Variants in GIT2 observed in about 807,000 individuals in gnomAD.
GIT2 encodes ARF GTPase-activating protein GIT2.
Under a neutral mutation model 100.3 loss-of-function variants are expected in GIT2, and 32 were observed. The observed-to-expected ratio is 0.32, with a 90% CI of 0.24 to 0.43. GIT2 has a LOEUF of 0.43. Among genes scored for constraint, GIT2 ranks in the 20% least tolerant of loss-of-function variants. The pLI, the probability that GIT2 is intolerant of heterozygous loss-of-function variation, is 1.00. For synonymous variants in GIT2, 353 were observed against 364.1 expected, an observed-to-expected ratio of 0.97 and a Z score of 0.35; for missense variants, 737 against 975.1, an observed-to-expected ratio of 0.76 and a Z score of 3.25.
At chr12:109,999,683 C>T, upstream of GIT2, 2 of 1,531,780 alleles carry the variant, frequency 1.3e-6, no homozygotes, top group Non-Finnish European at 1.8e-6. This position sits in a 1 kb window ranked among gnomAD's most constrained non-coding sequence, Gnocchi z 4.3. Context: ...TTACGGCCTC[C>T]TCGCCATGTC....
At chr12:109,977,938 C>A (rs925689819) in intron 7 of GIT2, among the ~76,000 whole-genome samples, 1 of 152,142 alleles carries the variant, frequency 6.6e-6, no homozygotes, top group Non-Finnish European at 1.5e-5. Flanking sequence ...TTCCTGGCTG[C>A]TTTCAAGATG....
chr12:109,983,823 T>C (rs758600839), intron 4 of GIT2, 129 bp from the exon 5 acceptor site: 1 of 634,622 alleles, frequency 1.6e-6, no homozygotes, highest in African/African-American at 1.8e-5. Flanking sequence ...CTCGGTAAAG[T>C]GCATGGACCA....
intron 1 of GIT2, among the ~76,000 whole-genome samples, chr12:109,995,618 C>G (rs1280399913): frequency 6.6e-6 from 1 of 152,188 alleles, no homozygotes; most frequent in Non-Finnish European, 1.5e-5. Flanking sequence ...GAGACAAGCA[C>G]TGCCTCCTAA....
intron 8 of GIT2, chr12:109,967,170 C>T: frequency 1.7e-6 from 1 of 599,474 alleles, no homozygotes; most frequent in East Asian, 2.8e-5. Flanking sequence ...TCCTATAATA[C>T]AGAAGTATTC....
rs1282329179 is a variant in GIT2 at position 109,953,149 on chromosome 12, C to T, written c.1185G>A (p.Val395=). 1.2e-6 allele frequency: 2 copies of T among 1,614,028 alleles called. No homozygotes were observed. The highest frequency in any genetic ancestry group is 1.7e-6 in the Non-Finnish European group (2 of 1,180,006). Residue 395 remains valine (V), a synonymous_variant, in exon 13 of 20, where the codon GTG becomes GTA. Coordinates refer to ENST00000355312, the MANE Select transcript of GIT2 (RefSeq NM_057169.5). The part of the protein sequence containing the change: ...QDNDQPDYDS[V]ASDEDTDLET... ...CCAAATCTGTGTCTTCGTCTGATGC[C>T]ACGCTGTCATAGTCGGGCTGATCGT...
At chr12:109,984,772 TTA>T (rs763793523) in intron 4 of GIT2, among the ~76,000 whole-genome samples, 10 of 152,096 alleles carry the variant, frequency 6.6e-5, no homozygotes, top group Non-Finnish European at 1.5e-4. Context: ...TTATAAGGAT[TTA>T]GTGATATAAT....
chr12:109,932,829 C>A lies in GIT2; in HGVS notation c.*149G>T. 1.7e-6 allele frequency: 1 copy of A among 601,738 alleles called. No homozygotes were observed. Among genetic ancestry groups the A allele is most frequent in the South Asian group, 2.1e-5 (1 of 48,140 alleles). 37.3% of individuals were successfully genotyped at this position (601,738 alleles called of 1,614,324 possible). On this transcript the variant is annotated 3_prime_UTR_variant, in exon 20 of 20. Transcript: ENST00000355312. ...AAATAGTTGAAAATTGGTTAGAAAA[C>A]ATGCAAAAATAATACTGAGTTTTCT...
At chr12:109,940,627 C>T (rs1439681590) in intron 16 of GIT2, 2 of 152,126 alleles carry the variant, frequency 1.3e-5, no homozygotes, top group East Asian at 3.8e-4. Flanking sequence ...CACCCATAAT[C>T]CCAGCATGTT....
chr12:109,983,506 A>T lies in GIT2; in HGVS notation c.493-3T>A. 6.2e-7 allele frequency: 1 copy of T among 1,613,154 alleles called. No homozygotes were observed. The highest frequency in any genetic ancestry group is 8.5e-7 in the Non-Finnish European group (1 of 1,179,338). On this transcript the variant is annotated splice_polypyrimidine_tract_variant and splice_region_variant and intron_variant, in intron 5 of 19. Transcript: ENST00000355312. ...TGGAGTGGGGTGTTTCCTTTTTCCT[A>T]AGAATCATTAATAAAAAGTAGGCAA...
chr12:109,991,992 A>G (rs990660784), intron 1 of GIT2: 9 of 441,622 alleles, frequency 2.0e-5, no homozygotes, highest in African/African-American at 1.4e-4. Context: ...GTAAACAGTT[A>G]TCTTCTTTCT....
chr12:109,974,516 G>GAACTGACATT (rs1224480261), intron 7 of GIT2, among the ~76,000 whole-genome samples: 1 of 152,080 alleles, frequency 6.6e-6, no homozygotes, highest in African/African-American at 2.4e-5. Flanking sequence ...ACAGCGCGAG[G>GAACTGACATT]CTCTGTTTCC....
chr12:109,959,855 C>A lies in GIT2; in HGVS notation c.1091G>T (p.Gly364Val). ...GAGGTTTGAGCAGTTACCTTTTGAA[C>A]CCGAGAGAGAACTGCCCTGCTGTCT... is the stretch of plus-strand genomic sequence containing the variant. ...KRRQQGSSLS[G>V]SKDNVELILK... Residue 364 changes from glycine (G) to valine (V), a missense_variant, in exon 12 of 20, where the codon GGT (glycine) becomes GTT (valine). Around this residue, in one of 3 missense-constraint regions of GIT2, gnomAD observed 451 missense variants for 543.7 expected, o/e 0.83. Coordinates refer to ENST00000355312, the MANE Select transcript of GIT2 (RefSeq NM_057169.5). 6.2e-7 allele frequency: 1 copy of A among 1,602,930 alleles called. No homozygotes were observed. The highest frequency in any genetic ancestry group is 8.5e-7 in the Non-Finnish European group (1 of 1,169,960).
intron 4 of GIT2, among the ~76,000 whole-genome samples, chr12:109,984,143 C>T (rs1380126312): frequency 6.6e-6 from 1 of 152,174 alleles, no homozygotes; most frequent in Non-Finnish European, 1.5e-5. Flanking sequence ...GATGCAGTGG[C>T]TCATGCCTGT....
intron 1 of GIT2, among the ~76,000 whole-genome samples, chr12:109,995,283 G>C (rs1889133524): frequency 6.6e-6 from 1 of 152,090 alleles, no homozygotes; most frequent in South Asian, 2.1e-4. Context: ...ATGAAGGAAT[G>C]GCTTTAGCGT....
Position 109,996,316 on chromosome 12 carries a change from G to T in GIT2, c.-92C>A. On this transcript the variant is annotated 5_prime_UTR_variant, in exon 1 of 20. Coordinates refer to ENST00000355312, the MANE Select transcript of GIT2 (RefSeq NM_057169.5). Reference sequence around the variant, plus strand: ...GCTTCCGCTCTAACGGGTCCCAGCTGCGGCGGCGCTGACGGCGGCGCCTCT... The same window carrying T: ...GCTTCCGCTCTAACGGGTCCCAGCTTCGGCGGCGCTGACGGCGGCGCCTCT... The T allele has an allele frequency of 1.1e-6, 1 of 877,630 alleles. No homozygotes were observed. Among genetic ancestry groups the T allele is most frequent in the Non-Finnish European group, 1.7e-6 (1 of 583,622 alleles). The allele number at this position is 877,630 out of a possible 1,614,324, so 54.4% of individuals were successfully genotyped here.
At position 109,996,306 on chromosome 12, in the gene GIT2, G is replaced by A; in HGVS notation, c.-82C>T. 1.0e-6 allele frequency: 1 copy of A among 967,440 alleles called. No individual in the cohort carries two copies. The highest frequency in any genetic ancestry group is 1.5e-6 in the Non-Finnish European group (1 of 654,424). 59.9% of individuals were successfully genotyped at this position (967,440 alleles called of 1,614,324 possible). A position where few individuals can be genotyped will look rare whatever the true frequency, so the allele number is the denominator to read the frequency against. On this transcript the variant is annotated 5_prime_UTR_variant, in exon 1 of 20. Transcript: ENST00000355312. The stretch of plus-strand genomic sequence containing the variant: ...TGGCGGCGGCGCTTCCGCTCTAACG[G>A]GTCCCAGCTGCGGCGGCGCTGACGG...
At chr12:109,999,079 A>G (rs962067644), upstream of GIT2, 3 of 152,292 alleles carry the variant, frequency 2.0e-5, no homozygotes, top group Non-Finnish European at 4.4e-5. The surrounding 1 kb of genome is among the most constrained non-coding windows in gnomAD (Gnocchi z 4.3). Context: ...GTCCTGCTCC[A>G]AAAAGGCTGC....
chr12:109,953,412 A>C, intron 12 of GIT2, 178 bp from the exon 13 acceptor site: 1 of 603,660 alleles, frequency 1.7e-6, no homozygotes, highest in Non-Finnish European at 2.9e-6. Context: ...TGAGGCCAGG[A>C]GTTTGAGACC....
At chr12:109,966,345 T>C (rs1882392427) in intron 8 of GIT2, among the ~76,000 whole-genome samples, 3 of 150,992 alleles carry the variant, frequency 2.0e-5, no homozygotes, top group African/African-American at 4.9e-5. Flanking sequence ...CCATCTCTAC[T>C]AAAATTACAA....
Sources: allele counts gnomAD v4.1 joint callset (sites outside exome capture counted in the v4.1 genomes callset), GRCh38; gene constraint gnomAD v4.1.1; regional missense constraint gnomAD v4.1.1; non-coding constraint Gnocchi (gnomAD v3.1); transcripts MANE v1.5; gene names NCBI Gene and HGNC (gene_info 2026-07-23, HGNC 2026-07-21).